The following ZPLD1 variants were observed in gnomAD, a reference collection of about 807,000 sequenced individuals.
The protein encoded by ZPLD1 is zona pellucida-like domain-containing protein 1.
In ZPLD1, 34 loss-of-function variants were observed where a neutral mutation model predicts 47.2. That is an observed-to-expected ratio of 0.72 (90% CI 0.55 to 0.96). The LOEUF is 0.96. Among genes scored for constraint, ZPLD1 ranks in the 40% least tolerant of loss-of-function variants. The pLI is 0.00. For missense variants in ZPLD1, 512 were observed against 505.8 expected, an observed-to-expected ratio of 1.01 and a Z score of -0.12; for synonymous variants, 176 against 186.2, an observed-to-expected ratio of 0.95 and a Z score of 0.45.
intron 3 of ZPLD1, among the ~76,000 whole-genome samples, chr3:102,447,972 A>C (rs1317888696): frequency 6.6e-6 from 1 of 152,142 alleles, no homozygotes; most frequent in Non-Finnish European, 1.5e-5. Flanking sequence ...TCAAATCAGG[A>C]CACATTTTAT....
At chr3:102,386,346 T>A (rs1204959397) in intron 6 of ZPLD1, among the ~76,000 whole-genome samples, 1 of 151,356 alleles carries the variant, frequency 6.6e-6, no homozygotes, top group Non-Finnish European at 1.5e-5. Flanking sequence ...GTTTGAGAAC[T>A]TTTCCTCCAG....
At chr3:102,461,607 T>A (rs185360928) in intron 6 of ZPLD1, among the ~76,000 whole-genome samples, 160 of 152,150 alleles carry the variant, frequency 1.1e-3, no homozygotes, top group Non-Finnish European at 1.8e-3. Flanking sequence ...CTATAAAAAA[T>A]GTAATGAGTA....
chr3:102,403,111 A>G (rs1176713631), intron 7 of ZPLD1, among the ~76,000 whole-genome samples: 1 of 151,992 alleles, frequency 6.6e-6, no homozygotes, highest in Non-Finnish European at 1.5e-5. Context: ...ATTAAAGTGC[A>G]CAAATAGCAG....
At position 102,464,171 on chromosome 3, in the gene ZPLD1, A is replaced by G. The variant is rs753977673; in HGVS notation, c.681A>G (p.Arg227=). The G allele has an allele frequency of 4.4e-6, 7 of 1,607,660 alleles. No individual in the cohort carries two copies. In the African/African-American group the frequency reaches 8.0e-5, roughly 18 times the overall value. Reference sequence around the variant, plus strand: ...ATTATGTTTGCTTACATTCTTTCAGATGGAATGTTTTAATGGATTATTGCT... The same window carrying G: ...ATTATGTTTGCTTACATTCTTTCAGGTGGAATGTTTTAATGGATTATTGCT... ...AAVQATNLDG[R]WNVLMDYCYT... Residue 227 remains arginine (R), a splice_region_variant and synonymous_variant, in exon 8 of 12, where the codon AGA becomes AGG. Transcript: ENST00000466937.
At chr3:102,426,240 G>A (rs771661044) in intron 8 of ZPLD1, among the ~76,000 whole-genome samples, 1 of 152,088 alleles carries the variant, frequency 6.6e-6, no homozygotes, top group South Asian at 2.1e-4. Context: ...GAATTGGGCC[G>A]GGTGCGGTGG....
In ZPLD1 at chr3:102,416,824, G is replaced by C. The variant is rs574839754; in HGVS notation, c.-156-1236G>C. Among the ~76,000 whole-genome samples, 3 of 151,872 alleles carry C rather than the reference G, an allele frequency of 2.0e-5. No homozygotes were observed. The South Asian group carries it at 6.2e-4, about 32-fold the overall frequency. On this transcript the variant is annotated intron_variant, in intron 7 of 17. Transcript: ENST00000491959. The stretch of plus-strand genomic sequence containing the variant: ...AATAGTATTATAAATATGCTTTTTC[G>C]TGAAGCTGACACTTCCCTGCAGAAT...
At chr3:102,455,856 GATC>G in intron 4 of ZPLD1, among the ~76,000 whole-genome samples, 1 of 152,280 alleles carries the variant, frequency 6.6e-6, no homozygotes, top group South Asian at 2.1e-4. Context: ...AAGGGAAAAG[GATC>G]ATATTAACAG....
At chr3:102,454,949 TG>T (rs1707390470) in intron 4 of ZPLD1, among the ~76,000 whole-genome samples, 1 of 152,168 alleles carries the variant, frequency 6.6e-6, no homozygotes, top group Non-Finnish European at 1.5e-5. Flanking sequence ...AAGCAAGTAG[TG>T]GGAGGAGGGG....
chr3:102,438,436 G>A (rs765981966), intron 2 of ZPLD1, 44 bp from the exon 3 acceptor site: 2 of 1,389,070 alleles, frequency 1.4e-6, no homozygotes, highest in Non-Finnish European at 2.0e-6. Flanking sequence ...TAGGAGTGAA[G>A]GAGTTAAGTG....
intron 3 of ZPLD1, among the ~76,000 whole-genome samples, chr3:102,451,658 A>G (rs963343822): frequency 6.6e-6 from 1 of 152,164 alleles, no homozygotes; most frequent in Admixed American, 6.5e-5. Context: ...AGGCAGGGCC[A>G]TGCTCCCTCT....
chr3:102,464,327 C>A, intron 8 of ZPLD1, 76 bp downstream of exon 8: 1 of 1,066,376 alleles, frequency 9.4e-7, no homozygotes. Context: ...ATATCTAAGT[C>A]AGATAAATTA....
intron 7 of ZPLD1, among the ~76,000 whole-genome samples, chr3:102,407,516 G>C (rs938387769): frequency 7.0e-6 from 1 of 142,164 alleles, no homozygotes; most frequent in Non-Finnish European, 1.5e-5. Context: ...TCTATTCTCT[G>C]CTTTAAATTA....
In ZPLD1 at chr3:102,453,131, A is replaced by C; in HGVS notation, c.319A>C (p.Asn107His). ...CAGCACCTTGGAGGGCTGTGGAAAC[A>C]ACCTGGTGGTAAGATTAGTGTGACA... Reference protein sequence around the residue: ...NLSTLEGCGNNLVVSTIPGVS... With the variant: ...NLSTLEGCGNHLVVSTIPGVS... Residue 107 changes from asparagine to histidine, a missense_variant, in exon 4 of 12, where the codon AAC (asparagine) becomes CAC (histidine). Physicochemically the swap from Asn to His is moderately conservative, Grantham distance 68. Transcript: ENST00000466937. The C allele has an allele frequency of 6.2e-7, 1 of 1,613,912 alleles. No individual in the cohort carries two copies. The highest frequency in any genetic ancestry group is 1.1e-5 in the South Asian group (1 of 91,068).
At chr3:102,457,953 A>G (rs758056425) in intron 6 of ZPLD1, 100 bp downstream of exon 6, 33 of 1,118,374 alleles carry the variant, frequency 3.0e-5, no homozygotes, top group Non-Finnish European at 4.2e-5. Flanking sequence ...AGCCACATTA[A>G]CCCTGTTATG....
chr3:102,452,924 A>G lies in ZPLD1; in HGVS notation c.112A>G (p.Arg38Gly). The stretch of plus-strand genomic sequence containing the variant: ...TTTATATATTTTTATTTCAGCTGAA[A>G]GAGACATCAGTGTCTATTGTGGAGT... ...ANLHSRFPAERDISVYCGVQA... is the reference protein window; with the variant it reads ...ANLHSRFPAEGDISVYCGVQA... The change falls in exon 4 of 12, where the codon AGA becomes GGA. Residue 38 changes from arginine (R) to glycine (G), a missense_variant. Transcript: ENST00000466937. The G allele has an allele frequency of 6.2e-7, 1 of 1,613,330 alleles. No homozygotes were observed. Among genetic ancestry groups the G allele is most frequent in the East Asian group, 2.2e-5 (1 of 44,866 alleles).
At chr3:102,437,453 C>G (rs554357372) in intron 2 of ZPLD1, among the ~76,000 whole-genome samples, 1 of 152,288 alleles carries the variant, frequency 6.6e-6, no homozygotes, top group East Asian at 1.9e-4. Context: ...TTAAGGACAG[C>G]TAAAACACCA....
intron 7 of ZPLD1, among the ~76,000 whole-genome samples, chr3:102,412,591 T>C (rs542846987): frequency 6.6e-6 from 1 of 151,898 alleles, no homozygotes; most frequent in Admixed American, 6.6e-5. Flanking sequence ...TATTGAAATA[T>C]ATAGTGCTGT....
At chr3:102,463,908 G>A (rs775426340) in intron 7 of ZPLD1, among the ~76,000 whole-genome samples, 43 of 143,822 alleles carry the variant, frequency 3.0e-4, no homozygotes, top group Non-Finnish European at 5.7e-4. Flanking sequence ...AAAATAGCCG[G>A]GCTTGGTGGC....
chr3:102,393,621 C>T (rs1300510032), intron 7 of ZPLD1, among the ~76,000 whole-genome samples: 2 of 151,146 alleles, frequency 1.3e-5, no homozygotes, highest in Non-Finnish European at 2.9e-5. Context: ...TTGATTCATA[C>T]TCCCACATTA....
Sources: allele counts gnomAD v4.1 joint callset (sites outside exome capture counted in the v4.1 genomes callset), GRCh38; gene constraint gnomAD v4.1.1; transcripts MANE v1.5; gene names NCBI Gene and HGNC (gene_info 2026-07-23, HGNC 2026-07-21).